Variants in GLIS1 observed in about 807,000 individuals in gnomAD.
GLIS1 encodes zinc finger protein GLIS1.
Under a neutral mutation model 63.8 loss-of-function variants are expected in GLIS1, and 24 were observed. That is an observed-to-expected ratio of 0.38 (90% CI 0.27 to 0.53). The LOEUF (loss-of-function observed/expected upper bound fraction) is 0.53, where lower values mean the gene tolerates loss of function less well. Among genes scored for constraint, GLIS1 ranks in the 20% least tolerant of loss-of-function variants. The pLI, the probability that GLIS1 is intolerant of heterozygous loss-of-function variation, is 0.85. For synonymous variants in GLIS1, 450 were observed against 482.5 expected, an observed-to-expected ratio of 0.93 and a Z score of 0.88; for missense variants, 1,036 against 1,074.1, an observed-to-expected ratio of 0.96 and a Z score of 0.50.
chr1:53,597,297 C>A (rs978407180), intron 3 of GLIS1, among the ~76,000 whole-genome samples: 1 of 146,282 alleles, frequency 6.8e-6, no homozygotes, highest in African/African-American at 2.5e-5. Flanking sequence ...GGCGTGAACC[C>A]GGGAGGCGGA....
At chr1:53,649,605 A>G (rs1289920013) in intron 2 of GLIS1, among the ~76,000 whole-genome samples, 1 of 152,250 alleles carries the variant, frequency 6.6e-6, no homozygotes, top group Non-Finnish European at 1.5e-5. Flanking sequence ...AAGTCATGAC[A>G]TGACAAGAAA....
At chr1:53,576,203 T>C (rs772510275) in intron 4 of GLIS1, among the ~76,000 whole-genome samples, 15 of 151,932 alleles carry the variant, frequency 9.9e-5, no homozygotes, top group African/African-American at 2.4e-4. Flanking sequence ...CCCAGCCACA[T>C]TGGGTGACTT....
Position 53,539,280 on chromosome 1 carries a change from T to TCA in GLIS1, c.1321-9330_1321-9329dup, listed in dbSNP as rs71722107. On this transcript the variant is annotated intron_variant, in intron 4 of 10. Transcript: ENST00000628545. The surrounding 1 kb of genome is among the most constrained non-coding windows in gnomAD (Gnocchi z 5.0). ...CACACACCAAGACCCAGAAACTCCC[T>TCA]CACACACACACACACACACTACACC... Among the ~76,000 whole-genome samples, 316 of 148,082 alleles carry TCA rather than the reference T, an allele frequency of 2.1e-3. 1 individual carries two copies. Among genetic ancestry groups the TCA allele is most frequent in the African/African-American group, 6.9e-3 (275 of 39,716 alleles).
intron 4 of GLIS1, among the ~76,000 whole-genome samples, chr1:53,572,015 T>C (rs1174180822): frequency 6.6e-6 from 1 of 152,240 alleles, no homozygotes; most frequent in Non-Finnish European, 1.5e-5. Flanking sequence ...GAAATCATGT[T>C]AAAGAAAGCA....
At chr1:53,725,283 G>T (rs1169635130) in intron 2 of GLIS1, among the ~76,000 whole-genome samples, 2 of 152,204 alleles carry the variant, frequency 1.3e-5, no homozygotes, top group African/African-American at 4.8e-5. Flanking sequence ...GTCCACCAGT[G>T]TCCTGTAGAG....
intron 8 of GLIS1, among the ~76,000 whole-genome samples, 157 bp downstream of exon 8, chr1:53,514,468 G>C (rs1644329082): frequency 6.6e-6 from 1 of 152,184 alleles, no homozygotes; most frequent in African/African-American, 2.4e-5. Flanking sequence ...TGCACACAAA[G>C]TGTGTGGAAT....
chr1:53,631,905 G>A (rs1345236320), intron 2 of GLIS1, among the ~76,000 whole-genome samples: 1 of 152,060 alleles, frequency 6.6e-6, no homozygotes, highest in Admixed American at 6.6e-5. Flanking sequence ...GGCTGGTGTG[G>A]AGCAAGCCAT....
chr1:53,524,235 G>T (rs995017621), intron 6 of GLIS1, among the ~76,000 whole-genome samples: 1 of 152,168 alleles, frequency 6.6e-6, no homozygotes, highest in Non-Finnish European at 1.5e-5. Flanking sequence ...CCCACTCCGC[G>T]CTCACACCCC....
At chr1:53,649,838 G>A (rs545577995) in intron 2 of GLIS1, among the ~76,000 whole-genome samples, 28 of 152,150 alleles carry the variant, frequency 1.8e-4, no homozygotes, top group Non-Finnish European at 3.7e-4. Context: ...TATAAAATAT[G>A]TGTTAATCGA....
intron 2 of GLIS1, among the ~76,000 whole-genome samples, chr1:53,651,682 C>G (rs191620326): frequency 1.3e-5 from 2 of 152,162 alleles, no homozygotes; most frequent in African/African-American, 4.8e-5. Flanking sequence ...TTGAGACCAG[C>G]CTGGGCAACA....
chr1:53,672,957 A>T (rs893990214), intron 2 of GLIS1, among the ~76,000 whole-genome samples: 1 of 152,178 alleles, frequency 6.6e-6, no homozygotes, highest in African/African-American at 2.4e-5. Flanking sequence ...GCCCTCCCCT[A>T]GGCCCAACAT....
In GLIS1 at chr1:53,639,495, A is replaced by C. The variant is rs915555209; in HGVS notation, c.260-39217T>G. On this transcript the variant is annotated intron_variant, in intron 2 of 10. Coordinates refer to ENST00000628545, the MANE Select transcript of GLIS1 (RefSeq NM_001367484.1). This position sits in a 1 kb window ranked among gnomAD's most constrained non-coding sequence, Gnocchi z 4.6. ...CAGTAAATTCCAAGCAGATGCGCACAGGCTGTTTTGGTTGGAACCCTGGCC... is the reference window on the plus strand; with the variant it reads ...CAGTAAATTCCAAGCAGATGCGCACCGGCTGTTTTGGTTGGAACCCTGGCC... Among the ~76,000 whole-genome samples the C allele has an allele frequency of 6.6e-6, 1 of 152,088 alleles. No individual in the cohort carries two copies. Among genetic ancestry groups the C allele is most frequent in the African/African-American group, 2.4e-5 (1 of 41,412 alleles).
chr1:53,539,648 A>G lies in GLIS1; in HGVS notation c.1321-9696T>C, dbSNP rs768544570. 7.2e-5 allele frequency among the ~76,000 whole-genome samples: 11 copies of G among 151,844 alleles called. No individual in the cohort carries two copies. The highest frequency in any genetic ancestry group is 1.2e-4 in the Non-Finnish European group (8 of 67,944). ...CCAGGACACACATGTTCACACATAT[A>G]CCCAAAGACGTCCAAGCCCCAGACC... On this transcript the variant is annotated intron_variant, in intron 4 of 10. Transcript: ENST00000628545. This position sits in a 1 kb window ranked among gnomAD's most constrained non-coding sequence, Gnocchi z 5.0.
At chr1:53,556,712 GATGTTT>G (rs1644837207) in intron 4 of GLIS1, among the ~76,000 whole-genome samples, 2 of 149,896 alleles carry the variant, frequency 1.3e-5, no homozygotes, top group Non-Finnish European at 3.0e-5. Context: ...GTGTACTGCA[GATGTTT>G]GTGTGCAGGT....
chr1:53,568,561 T>C lies in GLIS1; in HGVS notation c.1320+25547A>G, dbSNP rs1316160763. Among the ~76,000 whole-genome samples, 4 of 152,278 alleles carry C rather than the reference T, an allele frequency of 2.6e-5. 1 individual carries two copies. The highest frequency in any genetic ancestry group is 6.5e-5 in the Admixed American group (1 of 15,300). ...GGGGTGGAATGATATGGTTTGGCTC[T>C]GTGTCCCCACCCAAATTTCATCTCA... On this transcript the variant is annotated intron_variant, in intron 4 of 10. Coordinates refer to ENST00000628545, the MANE Select transcript of GLIS1 (RefSeq NM_001367484.1).
chr1:53,568,929 G>A (rs1054144840), intron 4 of GLIS1, among the ~76,000 whole-genome samples: 1 of 152,200 alleles, frequency 6.6e-6, no homozygotes, highest in African/African-American at 2.4e-5. Context: ...AGGTGAATGG[G>A]TAAGTAAACT....
chr1:53,620,079 G>A (rs189175112), intron 2 of GLIS1, among the ~76,000 whole-genome samples: 19 of 152,344 alleles, frequency 1.2e-4, no homozygotes, highest in African/African-American at 4.6e-4. Context: ...AGTTCTGCAA[G>A]GCTGAGATCA....
chr1:53,583,233 A>C (rs1300598501), intron 4 of GLIS1, among the ~76,000 whole-genome samples: 1 of 152,146 alleles, frequency 6.6e-6, no homozygotes. Context: ...ACAGCAATCC[A>C]GCCACCGCCC....
intron 2 of GLIS1, among the ~76,000 whole-genome samples, chr1:53,735,544 C>T (rs755280418): frequency 2.6e-5 from 4 of 152,120 alleles, no homozygotes; most frequent in African/African-American, 9.7e-5. Flanking sequence ...ATCAGTCTTG[C>T]GAATTAAGTC....
Sources: gnomAD v4.1 joint callset for allele counts (sites outside exome capture counted in the v4.1 genomes callset) on GRCh38, gnomAD v4.1.1 for gene constraint, Gnocchi (gnomAD v3.1) non-coding constraint, MANE v1.5 for transcripts, NCBI Gene and HGNC (gene_info 2026-07-23, HGNC 2026-07-21) for gene names.